Variants in SAR1A observed in about 807,000 individuals in gnomAD.
The protein encoded by SAR1A is secretion associated Ras related GTPase 1A.
Under a neutral mutation model 22.6 loss-of-function variants are expected in SAR1A, and 6 were observed. The observed-to-expected ratio is 0.27, with a 90% CI of 0.15 to 0.52. SAR1A has a LOEUF of 0.52. Among genes scored for constraint, SAR1A ranks in the 20% least tolerant of loss-of-function variants. SAR1A has a pLI of 0.96. For missense variants in SAR1A, 145 were observed against 245.1 expected (o/e 0.59, Z 2.73); for synonymous variants, 70 against 82.2 (o/e 0.85, Z 0.80).
In SAR1A at chr10:70,152,006, T is replaced by C. The variant is rs1338498953; in HGVS notation, c.*470A>G. On this transcript the variant is annotated 3_prime_UTR_variant, in exon 7 of 7. Transcript: ENST00000373241. ...GAGCTCTGGCCTCCATATCTGTTCATAATTTTATGAAGTATCTAAATGTCA... is the reference window on the plus strand; with the variant it reads ...GAGCTCTGGCCTCCATATCTGTTCACAATTTTATGAAGTATCTAAATGTCA... The C allele has an allele frequency of 5.1e-6, 1 of 196,714 alleles. No homozygotes were observed. Among genetic ancestry groups the C allele is most frequent in the Non-Finnish European group, 1.1e-5 (1 of 93,956 alleles). 12.2% of individuals were successfully genotyped at this position (196,714 alleles called of 1,614,324 possible).
chr10:70,157,945 G>T, intron 4 of SAR1A, 78 bp from the exon 5 acceptor site: 2 of 974,192 alleles, frequency 2.1e-6, no homozygotes, highest in Non-Finnish European at 3.2e-6. Flanking sequence ...CTATAAAATG[G>T]ACAAATCTTG....
intron 5 of SAR1A, among the ~76,000 whole-genome samples, chr10:70,154,646 G>A (rs1452087664): frequency 2.6e-5 from 4 of 152,042 alleles, no homozygotes; most frequent in Non-Finnish European, 5.9e-5. Context: ...TTTTAGTAGA[G>A]ATGGAGTTTT....
Position 70,161,747 on chromosome 10 carries a change from G to C in SAR1A, c.59-9C>G, listed in dbSNP as rs368596784. On this transcript the variant is annotated splice_polypyrimidine_tract_variant and intron_variant, in intron 2 of 6. Coordinates refer to ENST00000373241, the MANE Select transcript of SAR1A (RefSeq NM_020150.5). ...AGATTTCTTGTACAGTCCTAAAAGA[G>C]AAAAAAATTGTTAACACATTTGCTC... 94 of 1,612,378 alleles carry C rather than the reference G, an allele frequency of 5.8e-5. 1 individual carries two copies. The highest frequency in any genetic ancestry group is 7.5e-5 in the Non-Finnish European group (89 of 1,179,572).
chr10:70,162,488 GAGGGGAGGAGGGGA>G (rs1197401118), intron 1 of SAR1A, among the ~76,000 whole-genome samples: 2 of 119,528 alleles, frequency 1.7e-5, no homozygotes, highest in Admixed American at 8.3e-5. Context: ...GGAGGAGGGG[GAGGGGAGGAGGGGA>G]AGGGGAGGAG....
At position 70,152,509 on chromosome 10, in the gene SAR1A, C is replaced by G. The variant is rs1157201610; in HGVS notation, c.564G>C (p.Glu188Asp). ...CSVLKRQGYGEGFRWLSQYID is the reference protein window; with the variant it reads ...CSVLKRQGYGDGFRWLSQYID The stretch of plus-strand genomic sequence containing the variant: ...TATACTGGGAGAGCCAGCGGAAACC[C>G]TCGCCGTAACCTTGCCTCTTGAGCA... The change falls in exon 7 of 7, where the codon GAG becomes GAC. Residue 188 changes from glutamate (E) to aspartate (D), a missense_variant. Physicochemically the swap from Glu to Asp is conservative, Grantham distance 45. Coordinates refer to ENST00000373241, the MANE Select transcript of SAR1A (RefSeq NM_020150.5). The G allele has an allele frequency of 6.2e-7, 1 of 1,614,104 alleles. No individual in the cohort carries two copies. The highest frequency in any genetic ancestry group is 8.5e-7 in the Non-Finnish European group (1 of 1,179,966).
Position 70,157,839 on chromosome 10 carries a change from T to C in SAR1A, c.273A>G (p.Pro91=), listed in dbSNP as rs775737800. The C allele has an allele frequency of 3.7e-6, 6 of 1,613,448 alleles. No individual in the cohort carries two copies. The highest frequency in any genetic ancestry group is 3.3e-5 in the South Asian group (3 of 90,848). The change falls in exon 5 of 7, where the codon CCA becomes CCG. Residue 91 remains proline (P), a synonymous_variant. Transcript: ENST00000373241. ...QARRVWKNYL[P]AINGIVFLVD... The stretch of plus-strand genomic sequence containing the variant: ...CCAGAAAGACAATCCCATTAATTGC[T>C]GGGAGATAATTTTTCCAAACGCGAC...
chr10:70,168,914 C>T lies in SAR1A; in HGVS notation c.-17+1499G>A, dbSNP rs1370472160. 4.6e-5 allele frequency among the ~76,000 whole-genome samples: 7 copies of T among 152,250 alleles called. No individual in the cohort carries two copies. In the East Asian group the frequency reaches 1.3e-3, roughly 29 times the overall value. Reference sequence around the variant, plus strand: ...CATCATGGCTCACTGCAGCCTCAACCTCCCAGGCTCAAGAGATCCTCCCAC... The same window carrying T: ...CATCATGGCTCACTGCAGCCTCAACTTCCCAGGCTCAAGAGATCCTCCCAC... On this transcript the variant is annotated intron_variant, in intron 1 of 6. Coordinates refer to ENST00000373241, the MANE Select transcript of SAR1A (RefSeq NM_020150.5).
chr10:70,160,866 C>A, intron 4 of SAR1A, 138 bp downstream of exon 4: 2 of 593,532 alleles, frequency 3.4e-6, no homozygotes, highest in South Asian at 2.7e-5. Flanking sequence ...AATAAAACAA[C>A]TTCACTAAAG....
chr10:70,157,540 A>G (rs1334868287), intron 5 of SAR1A: 2 of 495,008 alleles, frequency 4.0e-6, no homozygotes, highest in Admixed American at 3.5e-5. Context: ...ACTGTATGAT[A>G]GAAACAACAG....
chr10:70,163,899 A>G, intron 1 of SAR1A: 1 of 1,600,770 alleles, frequency 6.2e-7, no homozygotes, highest in Non-Finnish European at 8.6e-7. Flanking sequence ...TCTGACAATG[A>G]TGGCAAGAAA....
At chr10:70,156,835 T>C (rs892402626) in intron 5 of SAR1A, among the ~76,000 whole-genome samples, 6 of 151,850 alleles carry the variant, frequency 4.0e-5, no homozygotes, top group African/African-American at 9.7e-5. Context: ...AGAAGAGATA[T>C]AGGGTAAAGG....
At chr10:70,160,358 C>T (rs1348582953) in intron 4 of SAR1A, among the ~76,000 whole-genome samples, 1 of 151,776 alleles carries the variant, frequency 6.6e-6, no homozygotes, top group Non-Finnish European at 1.5e-5. Flanking sequence ...TCATTAAAAA[C>T]AAGCATTAAT....
intron 1 of SAR1A, among the ~76,000 whole-genome samples, chr10:70,165,533 C>A (rs575052772): frequency 1.3e-5 from 2 of 152,260 alleles, no homozygotes; most frequent in South Asian, 4.1e-4. Context: ...GTGGTAGAAA[C>A]AGCAAGAGAA....
chr10:70,155,029 T>C (rs1312397856), intron 5 of SAR1A: 3 of 497,956 alleles, frequency 6.0e-6, no homozygotes, highest in Middle Eastern at 3.2e-4. Context: ...CATGGCTGGA[T>C]TCAAGCATTT....
intron 1 of SAR1A, among the ~76,000 whole-genome samples, chr10:70,166,356 C>T (rs2136722967): frequency 6.6e-6 from 1 of 152,280 alleles, no homozygotes; most frequent in South Asian, 2.1e-4. Context: ...GGAAATCAGT[C>T]TTATCAATAA....
rs916598563 is a variant in SAR1A at position 70,164,165 on chromosome 10, A to G, written c.-16-2234T>C. The stretch of plus-strand genomic sequence containing the variant: ...CAGAATGTGTTAAATTTCTTGCACA[A>G]AACTGTTTATTTGCCTTTTGTTTGT... On this transcript the variant is annotated intron_variant, in intron 1 of 6. Coordinates refer to ENST00000373241, the MANE Select transcript of SAR1A (RefSeq NM_020150.5). 1.1e-5 allele frequency: 7 copies of G among 660,956 alleles called. No homozygotes were observed. The Admixed American group carries it at 1.7e-4, about 16-fold the overall frequency. 40.9% of individuals were successfully genotyped at this position (660,956 alleles called of 1,614,324 possible). A position where few individuals can be genotyped will look rare whatever the true frequency, so the allele number is the denominator to read the frequency against.
intron 1 of SAR1A, among the ~76,000 whole-genome samples, chr10:70,162,485 G>C (rs1172600012): frequency 7.5e-6 from 1 of 133,048 alleles, no homozygotes; most frequent in Non-Finnish European, 1.6e-5. Flanking sequence ...AGGGGAGGAG[G>C]GGGAGGGGAG....
chr10:70,169,528 T>G (rs1839597360), intron 1 of SAR1A, among the ~76,000 whole-genome samples: 1 of 152,328 alleles, frequency 6.6e-6, no homozygotes, highest in South Asian at 2.1e-4. Flanking sequence ...GCTAAATGAT[T>G]CAAACAAATG....
At chr10:70,163,649 T>G (rs1839505376) in intron 1 of SAR1A, 1 of 740,992 alleles carries the variant, frequency 1.3e-6, no homozygotes, top group African/African-American at 1.7e-5. Context: ...AGAGTGGTTG[T>G]GTGGTTGCGT....
Sources: allele counts gnomAD v4.1 joint callset (sites outside exome capture counted in the v4.1 genomes callset), GRCh38; gene constraint gnomAD v4.1.1; transcripts MANE v1.5; gene names NCBI Gene and HGNC (gene_info 2026-07-23, HGNC 2026-07-21).